The following CSMD2 variants were observed in gnomAD, a reference collection of about 807,000 sequenced individuals.
The protein encoded by CSMD2 is CUB and Sushi multiple domains 2.
CSMD2 carries 130 observed loss-of-function variants against 398.5 expected under a neutral mutation model. The observed-to-expected ratio is 0.33, with a 90% CI of 0.28 to 0.38. The LOEUF is 0.38. CSMD2 is among the 10% of genes least tolerant of loss of function. The pLI is 1.00. For synonymous variants in CSMD2, 1,828 were observed against 1,908.5 expected, an observed-to-expected ratio of 0.96 and a Z score of 1.10; for missense variants, 3,829 against 4,764.9, an observed-to-expected ratio of 0.80 and a Z score of 5.78.
At position 33,611,332 on chromosome 1, in the gene CSMD2, C is replaced by T. The variant is rs1570938621; in HGVS notation, c.6134-82G>A. Reference sequence around the variant, plus strand: ...TGCTGCCTCATGAAAGCAGCTCCTGCCAGAGCCATGAGTCCCTGCTACTGA... The same window carrying T: ...TGCTGCCTCATGAAAGCAGCTCCTGTCAGAGCCATGAGTCCCTGCTACTGA... On this transcript the variant is annotated intron_variant, in intron 40 of 70. Transcript: ENST00000373381. The T allele has an allele frequency of 5.7e-6, 7 of 1,227,312 alleles. No individual in the cohort carries two copies. In the East Asian group the frequency reaches 7.1e-5, roughly 12 times the overall value. 76.0% of individuals were successfully genotyped at this position (1,227,312 alleles called of 1,614,324 possible).
At chr1:34,092,683 A>C (rs564802564) in intron 1 of CSMD2, among the ~76,000 whole-genome samples, 135 of 152,330 alleles carry the variant, frequency 8.9e-4, no homozygotes, top group African/African-American at 3.2e-3. Context: ...TCCCACCCGA[A>C]TACTGCGCTT....
intron 1 of CSMD2, among the ~76,000 whole-genome samples, chr1:34,115,932 C>G (rs2148456183): frequency 6.6e-6 from 1 of 151,680 alleles, no homozygotes; most frequent in Non-Finnish European, 1.5e-5. Context: ...ATTGTAGCCA[C>G]AAAGCAAATA....
intron 46 of CSMD2, among the ~76,000 whole-genome samples, chr1:33,584,971 A>C (rs2148741843): frequency 6.6e-6 from 1 of 152,310 alleles, no homozygotes; most frequent in South Asian, 2.1e-4. Context: ...GCCCTTCCCC[A>C]GCACTGAGGA....
intron 5 of CSMD2, among the ~76,000 whole-genome samples, chr1:33,895,057 A>G: frequency 6.6e-6 from 1 of 152,210 alleles, no homozygotes; most frequent in East Asian, 1.9e-4. Flanking sequence ...CACCTCAGTC[A>G]GTGGCCATGA....
intron 26 of CSMD2, among the ~76,000 whole-genome samples, chr1:33,661,339 C>T (rs1038673677): frequency 9.9e-5 from 15 of 152,156 alleles, no homozygotes; most frequent in African/African-American, 3.6e-4. Flanking sequence ...CTGGGAGATC[C>T]TTCCATTGCT....
intron 1 of CSMD2, among the ~76,000 whole-genome samples, chr1:34,109,397 C>A (rs1040805520): frequency 1.3e-5 from 2 of 152,188 alleles, no homozygotes; most frequent in Non-Finnish European, 2.9e-5. Flanking sequence ...ATGGCCCTGG[C>A]TCAGCTCAGA....
chr1:33,977,920 C>G (rs1274699252), intron 3 of CSMD2, among the ~76,000 whole-genome samples: 1 of 152,076 alleles, frequency 6.6e-6, no homozygotes, highest in Non-Finnish European at 1.5e-5. Context: ...CAGAAGCGGG[C>G]AGGGGTCCCG....
intron 12 of CSMD2, among the ~76,000 whole-genome samples, chr1:33,784,937 A>G (rs149621798): frequency 1.3e-5 from 2 of 152,314 alleles, no homozygotes; most frequent in South Asian, 2.1e-4. Context: ...AGCTGGGACC[A>G]CACTGGGATT....
At chr1:33,680,585 C>T (rs1221371331) in intron 25 of CSMD2, among the ~76,000 whole-genome samples, 1 of 152,176 alleles carries the variant, frequency 6.6e-6, no homozygotes, top group African/African-American at 2.4e-5. Context: ...GACGGTAGCA[C>T]TTCTGTGCTC....
chr1:33,971,340 T>C (rs570263531), intron 3 of CSMD2, among the ~76,000 whole-genome samples: 2 of 152,326 alleles, frequency 1.3e-5, no homozygotes, highest in South Asian at 2.1e-4. Flanking sequence ...GGCGGCTTCA[T>C]GGAAATGCAT....
At chr1:33,982,976 G>A (rs890748262) in intron 3 of CSMD2, among the ~76,000 whole-genome samples, 50 of 152,188 alleles carry the variant, frequency 3.3e-4, no homozygotes, top group African/African-American at 1.2e-3. Context: ...AGTGAGATGA[G>A]GAGGGCAACA....
At chr1:33,684,480 C>T (rs561465424) in intron 25 of CSMD2, among the ~76,000 whole-genome samples, 43 of 152,278 alleles carry the variant, frequency 2.8e-4, no homozygotes, top group Middle Eastern at 3.4e-3. Context: ...CTCCACGAAG[C>T]CAGACAACCG....
intron 2 of CSMD2, among the ~76,000 whole-genome samples, chr1:34,077,992 GA>G (rs1207156336): frequency 1.3e-5 from 2 of 152,078 alleles, no homozygotes; most frequent in African/African-American, 4.8e-5. Flanking sequence ...TTGTACTCAT[GA>G]AATTTTTTTT....
At chr1:33,539,518 CA>C (rs1421599537) in intron 60 of CSMD2, among the ~76,000 whole-genome samples, 4 of 152,112 alleles carry the variant, frequency 2.6e-5, no homozygotes, top group Non-Finnish European at 5.9e-5. Flanking sequence ...CAGCATGAGC[CA>C]ATACCAGTTC....
chr1:34,033,028 A>G (rs143071053), intron 2 of CSMD2, among the ~76,000 whole-genome samples: 2 of 152,326 alleles, frequency 1.3e-5, no homozygotes, highest in Non-Finnish European at 2.9e-5. Context: ...GGCTCTGGGT[A>G]TAATTCCCCA....
intron 1 of CSMD2, among the ~76,000 whole-genome samples, chr1:34,154,801 C>T (rs2148565877): frequency 6.7e-6 from 1 of 149,260 alleles, no homozygotes; most frequent in Non-Finnish European, 1.5e-5. Context: ...AATCTCGGCT[C>T]ACTGCAAACT....
chr1:33,929,706 T>G (rs538736786), intron 4 of CSMD2, among the ~76,000 whole-genome samples: 86 of 152,086 alleles, frequency 5.7e-4, no homozygotes, highest in Non-Finnish European at 1.2e-4. Context: ...CTTTCTTACC[T>G]TGCTTCACCC....
chr1:33,547,703 A>C (rs1657044252), intron 56 of CSMD2, among the ~76,000 whole-genome samples: 2 of 152,216 alleles, frequency 1.3e-5, no homozygotes, highest in Non-Finnish European at 2.9e-5. Context: ...AGCTTATCGC[A>C]TTTGGCTAGG....
In CSMD2 at chr1:34,109,815, G is replaced by A. The variant is rs755008506; in HGVS notation, c.188-20622C>T. On this transcript the variant is annotated intron_variant, in intron 1 of 70. Coordinates refer to ENST00000373381, the MANE Select transcript of CSMD2 (RefSeq NM_001281956.2). Reference sequence around the variant, plus strand: ...AGCACTTTGGGAGGCCAAGGCGGGCGGATCACGAGGTCAGGAGTTCAAGAC... The same window carrying A: ...AGCACTTTGGGAGGCCAAGGCGGGCAGATCACGAGGTCAGGAGTTCAAGAC... Among the ~76,000 whole-genome samples, 8 of 151,948 alleles carry A rather than the reference G, an allele frequency of 5.3e-5. No homozygotes were observed. In the East Asian group the frequency reaches 5.8e-4, roughly 11 times the overall value.
Sources: allele counts gnomAD v4.1 joint callset (sites outside exome capture counted in the v4.1 genomes callset), GRCh38; gene constraint gnomAD v4.1.1; transcripts MANE v1.5; gene names NCBI Gene and HGNC (gene_info 2026-07-23, HGNC 2026-07-21).